ARL5B: variants seen among roughly 807,000 people sequenced by gnomAD.
ARL5B encodes ARF like GTPase 5B.
Under a neutral mutation model 26.9 loss-of-function variants are expected in ARL5B, and 10 were observed. The observed-to-expected ratio is 0.37, with a 90% CI of 0.23 to 0.63. The LOEUF is 0.63. Ranked by LOEUF, ARL5B falls within the 30% of genes least tolerant of loss-of-function variation. The pLI, the probability that ARL5B is intolerant of heterozygous loss-of-function variation, is 0.62. For synonymous variants in ARL5B, 87 were observed against 70.4 expected, an observed-to-expected ratio of 1.24 and a Z score of -1.18; for missense variants, 167 against 213.9, an observed-to-expected ratio of 0.78 and a Z score of 1.37.
At position 18,675,888 on chromosome 10, in the gene ARL5B, C is replaced by T. The variant is rs1038214375; in HGVS notation, c.*672C>T. On this transcript the variant is annotated 3_prime_UTR_variant, in exon 6 of 6. Coordinates refer to ENST00000377275, the MANE Select transcript of ARL5B (RefSeq NM_178815.5). ...GGAATCAAGTCCACTCTTCTGCCTGCAACATTTGTTCAAAAACTAACCAAG... is the reference window on the plus strand; with the variant it reads ...GGAATCAAGTCCACTCTTCTGCCTGTAACATTTGTTCAAAAACTAACCAAG... 1.3e-5 allele frequency: 2 copies of T among 152,036 alleles called. No homozygotes were observed. Among genetic ancestry groups the T allele is most frequent in the African/African-American group, 2.4e-5 (1 of 41,440 alleles). The allele number at this position is 152,036 out of a possible 1,614,324, so 9.4% of individuals were successfully genotyped here. A position where few individuals can be genotyped will look rare whatever the true frequency, so the allele number is the denominator to read the frequency against.
rs1324476435 is a variant in ARL5B at position 18,681,622 on chromosome 10, A to G, written c.*6406A>G. 1 of 152,224 alleles carries G rather than the reference A, an allele frequency of 6.6e-6. No individual in the cohort carries two copies. The highest frequency in any genetic ancestry group is 1.5e-5 in the Non-Finnish European group (1 of 68,048). 9.4% of individuals were successfully genotyped at this position (152,224 alleles called of 1,614,324 possible). ...AACAGTTTTATTTTTGTCATAATAA[A>G]TAATTACTTTTCCAATACGAAGTGA... On this transcript the variant is annotated 3_prime_UTR_variant, in exon 6 of 6. Coordinates refer to ENST00000377275, the MANE Select transcript of ARL5B (RefSeq NM_178815.5).
intron 3 of ARL5B, among the ~76,000 whole-genome samples, chr10:18,671,955 T>C (rs138867844): frequency 3.0e-4 from 46 of 152,286 alleles, no homozygotes; most frequent in African/African-American, 1.1e-3. Flanking sequence ...GCCTGGCCTA[T>C]ATCTTCTTAT....
intron 3 of ARL5B, among the ~76,000 whole-genome samples, chr10:18,671,240 G>C (rs1226501468): frequency 6.6e-6 from 1 of 151,812 alleles, no homozygotes; most frequent in African/African-American, 2.4e-5. Flanking sequence ...CACCCAGGCT[G>C]GAGAGCAGTG....
intron 1 of ARL5B, among the ~76,000 whole-genome samples, 177 bp from the exon 2 acceptor site, chr10:18,666,398 T>G (rs899345716): frequency 6.6e-6 from 1 of 152,250 alleles, no homozygotes; most frequent in African/African-American, 2.4e-5. Context: ...ATAATTGATT[T>G]TGTTACTTAA....
At chr10:18,673,607 A>G (rs1000498975) in intron 4 of ARL5B, among the ~76,000 whole-genome samples, 2 of 152,276 alleles carry the variant, frequency 1.3e-5, no homozygotes, top group Non-Finnish European at 1.5e-5. Context: ...ACCTTATGTT[A>G]TACAAAGACT....
intron 3 of ARL5B, among the ~76,000 whole-genome samples, chr10:18,669,390 T>G (rs2059876590): frequency 6.6e-6 from 1 of 152,110 alleles, no homozygotes; most frequent in Non-Finnish European, 1.5e-5. Flanking sequence ...TTTAAAAATT[T>G]TTTATACCAT....
In ARL5B at chr10:18,678,530, TATAAAC is replaced by T. The variant is rs2059919614; in HGVS notation, c.*3319_*3324del. The T allele has an allele frequency of 6.6e-6, 1 of 151,848 alleles. No homozygotes were observed. The highest frequency in any genetic ancestry group is 1.9e-4 in the East Asian group (1 of 5,196). The allele number at this position is 151,848 out of a possible 1,614,324, so 9.4% of individuals were successfully genotyped here. On this transcript the variant is annotated 3_prime_UTR_variant, in exon 6 of 6. Coordinates refer to ENST00000377275, the MANE Select transcript of ARL5B (RefSeq NM_178815.5). The stretch of plus-strand genomic sequence containing the variant: ...TTTAGTGTAGTTTCTTAGAACAAAT[TATAAAC>T]ATAATCATTCTGAATAATCAATTTT...
chr10:18,678,971 T>C lies in ARL5B; in HGVS notation c.*3755T>C, dbSNP rs2059921805. 1 of 151,918 alleles carries C rather than the reference T, an allele frequency of 6.6e-6. No homozygotes were observed. The highest frequency in any genetic ancestry group is 1.5e-5 in the Non-Finnish European group (1 of 67,814). 9.4% of individuals were successfully genotyped at this position (151,918 alleles called of 1,614,324 possible). On this transcript the variant is annotated 3_prime_UTR_variant, in exon 6 of 6. Coordinates refer to ENST00000377275, the MANE Select transcript of ARL5B (RefSeq NM_178815.5). ...TTGGTTTTAAAATTCTGAATGCTTA[T>C]ATACTACTATTAAAAATTAAAAATC...
chr10:18,673,459 G>A (rs2059896942), intron 4 of ARL5B, among the ~76,000 whole-genome samples: 1 of 152,000 alleles, frequency 6.6e-6, no homozygotes, highest in South Asian at 2.1e-4. Context: ...AATATATTCT[G>A]ATTATCCATC....
At position 18,673,980 on chromosome 10, in the gene ARL5B, G is replaced by A. The variant is rs760942261; in HGVS notation, c.340-4G>A. The A allele has an allele frequency of 1.3e-6, 2 of 1,591,364 alleles. No individual in the cohort carries two copies. Among genetic ancestry groups the A allele is most frequent in the South Asian group, 1.1e-5 (1 of 87,868 alleles). ...ATATTAGAAATATTTTGTCTTGATT[G>A]CAGGATTTACGGAAGGCTGCAGTCC... On this transcript the variant is annotated splice_polypyrimidine_tract_variant and splice_region_variant and intron_variant, in intron 4 of 5. Transcript: ENST00000377275.
At chr10:18,666,771 C>T (rs1490113094) in intron 2 of ARL5B, 136 bp downstream of exon 2, 9 of 631,806 alleles carry the variant, frequency 1.4e-5, no homozygotes, top group East Asian at 9.4e-5. Flanking sequence ...TTAATTTTAC[C>T]GAACACAATC....
chr10:18,661,005 C>A lies in ARL5B; in HGVS notation c.46+1322C>A, dbSNP rs191886525. Among the ~76,000 whole-genome samples, 99 of 152,230 alleles carry A rather than the reference C, an allele frequency of 6.5e-4. 1 individual carries two copies. The East Asian group carries it at 0.019, about 29-fold the overall frequency. On this transcript the variant is annotated intron_variant, in intron 1 of 5. Coordinates refer to ENST00000377275, the MANE Select transcript of ARL5B (RefSeq NM_178815.5). Reference sequence around the variant, plus strand: ...TGGTATTTACAGGCACCCGCCACCACGCCCGGCCTATTTTTGTATCTTTAG... The same window carrying A: ...TGGTATTTACAGGCACCCGCCACCAAGCCCGGCCTATTTTTGTATCTTTAG...
intron 1 of ARL5B, among the ~76,000 whole-genome samples, chr10:18,664,689 C>G (rs764449985): frequency 2.0e-5 from 3 of 151,170 alleles, no homozygotes; most frequent in Non-Finnish European, 4.4e-5. Context: ...CCTCCCACCT[C>G]GGCCTCCCAA....
Position 18,677,634 on chromosome 10 carries a change from G to A in ARL5B, c.*2418G>A, listed in dbSNP as rs1024290486. ...ACCCAAGCAAGTATCTAATACTAGAGCATTGGTTCTGACATTCATTGTAAA... is the reference window on the plus strand; with the variant it reads ...ACCCAAGCAAGTATCTAATACTAGAACATTGGTTCTGACATTCATTGTAAA... On this transcript the variant is annotated 3_prime_UTR_variant, in exon 6 of 6. Transcript: ENST00000377275. 6.6e-6 allele frequency: 1 copy of A among 152,260 alleles called. No homozygotes were observed. The highest frequency in any genetic ancestry group is 2.1e-4 in the South Asian group (1 of 4,826). 9.4% of individuals were successfully genotyped at this position (152,260 alleles called of 1,614,324 possible). A position where few individuals can be genotyped will look rare whatever the true frequency, so the allele number is the denominator to read the frequency against.
In ARL5B at chr10:18,677,462, A is replaced by T. The variant is rs2059915204; in HGVS notation, c.*2246A>T. 6.6e-6 allele frequency: 1 copy of T among 152,318 alleles called. No individual in the cohort carries two copies. The highest frequency in any genetic ancestry group is 1.5e-5 in the Non-Finnish European group (1 of 67,816). The allele number at this position is 152,318 out of a possible 1,614,324, so 9.4% of individuals were successfully genotyped here. ...GCCATGTGTTGAAGATGAAATTGGC[A>T]TCAGTGTAGACGGTGCTGATTGGGA... On this transcript the variant is annotated 3_prime_UTR_variant, in exon 6 of 6. Transcript: ENST00000377275.
At chr10:18,671,666 A>T (rs879472291) in intron 3 of ARL5B, among the ~76,000 whole-genome samples, 4 of 97,216 alleles carry the variant, frequency 4.1e-5, no homozygotes, top group Non-Finnish European at 8.5e-5. Flanking sequence ...CCCCTCACCC[A>T]CCCCCCACAT....
chr10:18,659,929 G>C (rs985127187), intron 1 of ARL5B: 1 of 985,304 alleles, frequency 1.0e-6, no homozygotes, highest in African/African-American at 1.7e-5. Flanking sequence ...GAGAATGTTT[G>C]GATATTGGCG....
rs752156025 is a variant in ARL5B at position 18,675,259 on chromosome 10, G to A, written c.*43G>A. ...GACTGCTCTATTTATTCTGTGACAT[G>A]AACATTTTTTCCTAGTACCTTTGGC... On this transcript the variant is annotated 3_prime_UTR_variant, in exon 6 of 6. Coordinates refer to ENST00000377275, the MANE Select transcript of ARL5B (RefSeq NM_178815.5). 2.5e-5 allele frequency: 40 copies of A among 1,587,698 alleles called. No individual in the cohort carries two copies. The highest frequency in any genetic ancestry group is 3.2e-5 in the Non-Finnish European group (37 of 1,156,676).
At chr10:18,675,104 T>A in intron 5 of ARL5B, 64 bp from the exon 6 acceptor site, 1 of 1,480,378 alleles carries the variant, frequency 6.8e-7, no homozygotes, top group South Asian at 1.2e-5. Flanking sequence ...CTAAAAATAA[T>A]AAGTACGCTT....
Sources: allele counts gnomAD v4.1 joint callset (sites outside exome capture counted in the v4.1 genomes callset), GRCh38; gene constraint gnomAD v4.1.1; transcripts MANE v1.5; gene names NCBI Gene and HGNC (gene_info 2026-07-23, HGNC 2026-07-21).